Variants in FKBP5 observed in about 807,000 individuals in gnomAD.
The protein encoded by FKBP5 is FKBP prolyl isomerase 5, also known as peptidyl-prolyl cis-trans isomerase FKBP5.
In FKBP5, 23 loss-of-function variants were observed where a neutral mutation model predicts 50.5. That is an observed-to-expected ratio of 0.46 (90% CI 0.33 to 0.65). The LOEUF (loss-of-function observed/expected upper bound fraction) is 0.65, where lower values mean the gene tolerates loss of function less well. FKBP5 is among the 30% of genes least tolerant of loss of function. FKBP5 has a pLI of 0.02. For synonymous variants in FKBP5, 176 were observed against 190.6 expected, an observed-to-expected ratio of 0.92 and a Z score of 0.63; for missense variants, 411 against 553.1, an observed-to-expected ratio of 0.74 and a Z score of 2.58.
At chr6:35,709,810 T>A (rs1766383462) in intron 2 of FKBP5, among the ~76,000 whole-genome samples, 1 of 152,062 alleles carries the variant, frequency 6.6e-6, no homozygotes, top group Admixed American at 6.5e-5. Context: ...AACATACACT[T>A]TAGACTTGCA....
chr6:35,578,013 C>T (rs1038328344), intron 9 of FKBP5, among the ~76,000 whole-genome samples: 4 of 146,546 alleles, frequency 2.7e-5, no homozygotes, highest in Admixed American at 2.1e-4. Flanking sequence ...GAGATCGTGC[C>T]ACTGCACTCC....
Position 35,709,215 on chromosome 6 carries a change from C to T in FKBP5, c.-20+11113G>A, listed in dbSNP as rs571090991. Among the ~76,000 whole-genome samples, 22 of 152,216 alleles carry T rather than the reference C, an allele frequency of 1.4e-4. No individual in the cohort carries two copies. The East Asian group carries it at 3.9e-3, about 27-fold the overall frequency. ...TATTGGCAGGCGAAGAGTGCTTGCA[C>T]GGGAAAACTCCCCCTTATAGAACCA... is the stretch of plus-strand genomic sequence containing the variant. On this transcript the variant is annotated intron_variant, in intron 2 of 11. Transcript: ENST00000536438.
chr6:35,586,316 T>C (rs1369401831), intron 8 of FKBP5: 1 of 985,120 alleles, frequency 1.0e-6, no homozygotes, highest in Non-Finnish European at 1.2e-6. Context: ...ATGATGAATA[T>C]CATTCAGGAA....
chr6:35,636,081 A>C (rs926974094), intron 3 of FKBP5, among the ~76,000 whole-genome samples: 3 of 152,230 alleles, frequency 2.0e-5, no homozygotes, highest in African/African-American at 7.2e-5. Context: ...ATGATCTTGT[A>C]ACATCTTGCA....
At chr6:35,629,251 G>A (rs923927924) in intron 3 of FKBP5, among the ~76,000 whole-genome samples, 13 of 151,116 alleles carry the variant, frequency 8.6e-5, no homozygotes, top group Admixed American at 6.6e-5. Flanking sequence ...GACTATAGGC[G>A]TGCACCACCA....
At chr6:35,611,143 T>C (rs566810113) in intron 5 of FKBP5, among the ~76,000 whole-genome samples, 6 of 152,310 alleles carry the variant, frequency 3.9e-5, no homozygotes, top group South Asian at 4.1e-4. Flanking sequence ...CTAGTTTCCA[T>C]TGGTTCAACT....
intron 9 of FKBP5, among the ~76,000 whole-genome samples, chr6:35,577,537 G>A (rs1762259028): frequency 6.6e-6 from 1 of 152,248 alleles, no homozygotes; most frequent in Admixed American, 6.5e-5. Flanking sequence ...AAAATAAGAG[G>A]CACTTGTCTT....
chr6:35,586,047 A>C, intron 8 of FKBP5: 1 of 985,306 alleles, frequency 1.0e-6, no homozygotes. Flanking sequence ...GCTGAAAAAC[A>C]TCTAATTTCT....
At chr6:35,576,889 C>A in intron 10 of FKBP5, 105 bp downstream of exon 10, 1 of 1,403,050 alleles carries the variant, frequency 7.1e-7, no homozygotes, top group South Asian at 1.4e-5. Flanking sequence ...AATCGTTTTC[C>A]CTGCTCTTGA....
chr6:35,680,542 T>C (rs1765637885), intron 1 of FKBP5, among the ~76,000 whole-genome samples: 1 of 152,254 alleles, frequency 6.6e-6, no homozygotes, highest in South Asian at 2.1e-4. Flanking sequence ...AGTTGAATTT[T>C]TTTAGCCATT....
intron 3 of FKBP5, among the ~76,000 whole-genome samples, chr6:35,636,074 A>T (rs1416923611): frequency 1.3e-5 from 2 of 152,224 alleles, no homozygotes; most frequent in Non-Finnish European, 2.9e-5. Context: ...TTCACACATG[A>T]TCTTGTAACA....
In FKBP5 at chr6:35,705,938, C is replaced by G. The variant is rs529531411; in HGVS notation, c.-20+14390G>C. Among the ~76,000 whole-genome samples the G allele has an allele frequency of 2.8e-3, 432 of 152,144 alleles. 4 individuals are homozygous for G. Among genetic ancestry groups the G allele is most frequent in the Non-Finnish European group, 5.5e-3 (374 of 67,978 alleles). ...CAGCCTTGCCAACATGGCACAACCC[C>G]GTCTCTACTAAAAATACAAAAATTA... On this transcript the variant is annotated intron_variant, in intron 2 of 11. Transcript: ENST00000536438.
chr6:35,617,237 A>G (rs556209083), intron 5 of FKBP5, among the ~76,000 whole-genome samples: 1 of 152,340 alleles, frequency 6.6e-6, no homozygotes, highest in South Asian at 2.1e-4. Flanking sequence ...AGACTCGTAG[A>G]AATGAAATAT....
At chr6:35,584,655 G>T in intron 8 of FKBP5, 1 of 985,434 alleles carries the variant, frequency 1.0e-6, no homozygotes, top group Non-Finnish European at 1.2e-6. Flanking sequence ...AATTATAAAG[G>T]TGCCTCCAGG....
At chr6:35,610,035 T>C (rs1460876129) in intron 5 of FKBP5, among the ~76,000 whole-genome samples, 1 of 152,194 alleles carries the variant, frequency 6.6e-6, no homozygotes, top group Non-Finnish European at 1.5e-5. Flanking sequence ...CAAATGACTA[T>C]AGTTAGCTGG....
chr6:35,581,602 CAAAACAA>C (rs1372416845), intron 8 of FKBP5: 10 of 983,704 alleles, frequency 1.0e-5, no homozygotes, highest in Non-Finnish European at 1.2e-5. Flanking sequence ...CAAAACAAAA[CAAAACAA>C]AACAAAACAA....
intron 1 of FKBP5, among the ~76,000 whole-genome samples, chr6:35,682,905 T>A (rs559692433): frequency 2.4e-3 from 298 of 122,732 alleles, no homozygotes; most frequent in South Asian, 0.015. Context: ...CAATCTCTTT[T>A]AAAAAAAAAA....
chr6:35,633,542 C>CAAAAAAAA (rs10714201), intron 3 of FKBP5, among the ~76,000 whole-genome samples: 1 of 91,602 alleles, frequency 1.1e-5, no homozygotes, highest in Non-Finnish European at 2.2e-5. Context: ...GATTCCATCT[C>CAAAAAAAA]AAAAAAAAAA....
At chr6:35,722,842 A>G (rs1766636645) in intron 1 of FKBP5, among the ~76,000 whole-genome samples, 1 of 152,244 alleles carries the variant, frequency 6.6e-6, no homozygotes, top group Non-Finnish European at 1.5e-5. Flanking sequence ...CCAGGGACTC[A>G]GACTTTCCAA....
Sources: allele counts gnomAD v4.1 joint callset (sites outside exome capture counted in the v4.1 genomes callset), GRCh38; gene constraint gnomAD v4.1.1; transcripts MANE v1.5; gene names NCBI Gene and HGNC (gene_info 2026-07-23, HGNC 2026-07-21).